Variants in EML4 observed in about 807,000 individuals in gnomAD.
The protein encoded by EML4 is echinoderm microtubule-associated protein-like 4.
In EML4, 72 loss-of-function variants were observed where a neutral mutation model predicts 129.0. That is an observed-to-expected ratio of 0.56 (90% CI 0.46 to 0.68). The LOEUF (loss-of-function observed/expected upper bound fraction) is 0.68, where lower values mean the gene tolerates loss of function less well. Among genes scored for constraint, EML4 ranks in the 30% least tolerant of loss-of-function variants. EML4 has a pLI of 0.00. For synonymous variants in EML4, 532 were observed against 405.0 expected (o/e 1.31, Z -3.77); for missense variants, 1,363 against 1,190.6 (o/e 1.14, Z -2.13).
chr2:42,280,040 T>C lies in EML4; in HGVS notation c.668-810T>C, dbSNP rs1330513145. On this transcript the variant is annotated intron_variant, in intron 6 of 22. Transcript: ENST00000318522. ...TTAGATATATGGCTTGCAAATATTT[T>C]CTCCCGTTCTGTAGGTGGCCTTTTT... Among the ~76,000 whole-genome samples, 3 of 152,316 alleles carry C rather than the reference T, an allele frequency of 2.0e-5. No homozygotes were observed. In the South Asian group the frequency reaches 6.2e-4, roughly 32 times the overall value.
chr2:42,329,665 C>A, intron 22 of EML4, 69 bp from the exon 23 acceptor site: 1 of 1,340,874 alleles, frequency 7.5e-7, no homozygotes, highest in Non-Finnish European at 1.1e-6. Flanking sequence ...TACGTATCAC[C>A]TCCATTTCTG....
intron 1 of EML4, among the ~76,000 whole-genome samples, chr2:42,184,030 A>G (rs544431450): frequency 2.0e-5 from 3 of 152,210 alleles, no homozygotes; most frequent in African/African-American, 7.2e-5. Flanking sequence ...AATTTGGGCT[A>G]TTTGCTGTGC....
chr2:42,313,095 C>G (rs1409684770), intron 17 of EML4, among the ~76,000 whole-genome samples: 1 of 151,594 alleles, frequency 6.6e-6, no homozygotes, highest in East Asian at 2.0e-4. Context: ...ACTACAGGCG[C>G]CTGCTACCAT....
At chr2:42,200,295 A>G (rs1000899224) in intron 1 of EML4, among the ~76,000 whole-genome samples, 2 of 152,176 alleles carry the variant, frequency 1.3e-5, no homozygotes, top group Non-Finnish European at 1.5e-5. Context: ...ACTGCACTCC[A>G]GCCTGGGCGA....
chr2:42,284,603 G>T (rs762160651), intron 8 of EML4, 31 bp from the exon 9 acceptor site: 4 of 1,545,744 alleles, frequency 2.6e-6, no homozygotes, highest in Non-Finnish European at 3.6e-6. Flanking sequence ...TGTTTCCTGT[G>T]TTTAAAATCA....
rs569441053 is a variant in EML4 at position 42,279,606 on chromosome 2, C to T, written c.668-1244C>T. 7.2e-5 allele frequency among the ~76,000 whole-genome samples: 11 copies of T among 152,038 alleles called. No individual in the cohort carries two copies. In the South Asian group the frequency reaches 8.3e-4, roughly 11 times the overall value. On this transcript the variant is annotated intron_variant, in intron 6 of 22. Coordinates refer to ENST00000318522, the MANE Select transcript of EML4 (RefSeq NM_019063.5). ...CCAAGTAGCTGGGACTACAGGTGCC[C>T]GCCATCATGCCTGGCTAATTTTTTT...
intron 1 of EML4, among the ~76,000 whole-genome samples, chr2:42,216,560 A>G (rs1235280483): frequency 2.0e-5 from 3 of 152,052 alleles, no homozygotes; most frequent in Non-Finnish European, 4.4e-5. Context: ...TTTAATTATA[A>G]AAACAATCAT....
At position 42,326,136 on chromosome 2, in the gene EML4, C is replaced by A. The variant is rs1669800680; in HGVS notation, c.2243-18C>A. 2 of 1,610,972 alleles carry A rather than the reference C, an allele frequency of 1.2e-6. No homozygotes were observed. Among genetic ancestry groups the A allele is most frequent in the South Asian group, 2.2e-5 (2 of 90,266 alleles). On this transcript the variant is annotated intron_variant, in intron 20 of 22. Transcript: ENST00000318522. ...TACACAAGCACTATGATTATACTTCCTGTTTCTAAATTTAAAGGGGACATT... is the reference window on the plus strand; with the variant it reads ...TACACAAGCACTATGATTATACTTCATGTTTCTAAATTTAAAGGGGACATT...
intron 1 of EML4, among the ~76,000 whole-genome samples, chr2:42,219,306 C>T (rs1413967411): frequency 6.6e-6 from 1 of 152,134 alleles, no homozygotes; most frequent in African/African-American, 2.4e-5. Flanking sequence ...GGATGCCAAA[C>T]CTGTGTATAC....
At chr2:42,275,729 C>T (rs1334357964) in intron 6 of EML4, among the ~76,000 whole-genome samples, 5 of 152,208 alleles carry the variant, frequency 3.3e-5, no homozygotes, top group Non-Finnish European at 5.9e-5. Context: ...TTCACTCCCT[C>T]TCAGTCCCAG....
intron 1 of EML4, among the ~76,000 whole-genome samples, chr2:42,179,750 A>G (rs893921849): frequency 1.3e-5 from 2 of 152,106 alleles, no homozygotes; most frequent in Non-Finnish European, 2.9e-5. Flanking sequence ...TTACAGGCAC[A>G]TGCCACCATG....
At chr2:42,255,089 T>C (rs139888168) in intron 2 of EML4, among the ~76,000 whole-genome samples, 60 of 151,650 alleles carry the variant, frequency 4.0e-4, no homozygotes, top group African/African-American at 1.2e-3. Context: ...GTTTTTTTTT[T>C]CTTTTCTTTT....
chr2:42,311,443 C>G (rs1326991016), intron 17 of EML4, among the ~76,000 whole-genome samples: 2 of 151,984 alleles, frequency 1.3e-5, no homozygotes, highest in African/African-American at 4.8e-5. Context: ...GTCCCAGCTA[C>G]TTGGGAGGCT....
chr2:42,263,308 T>C lies in EML4; in HGVS notation c.641+2T>C. 1.2e-6 allele frequency: 2 copies of C among 1,609,546 alleles called. No individual in the cohort carries two copies. The highest frequency in any genetic ancestry group is 1.1e-5 in the South Asian group (1 of 90,330). ...AAAAGTTACCAAAACTGCAGACAAG[T>C]AAGTATTGCACTTTCTTCATTATAT... is the stretch of plus-strand genomic sequence containing the variant. On this transcript the variant is annotated splice_donor_variant, in intron 5 of 22. Coordinates refer to ENST00000318522, the MANE Select transcript of EML4 (RefSeq NM_019063.5). LOFTEE classifies it high-confidence loss of function.
intron 17 of EML4, among the ~76,000 whole-genome samples, chr2:42,313,507 A>C (rs1024506132): frequency 1.3e-5 from 2 of 152,114 alleles, no homozygotes. Flanking sequence ...AAGCCACGTT[A>C]AACCATACCA....
intron 10 of EML4, 94 bp downstream of exon 10, chr2:42,286,473 A>G: frequency 1.3e-6 from 1 of 746,228 alleles, no homozygotes; most frequent in Non-Finnish European, 2.4e-6. Flanking sequence ...ATGAAGTGAT[A>G]ATCCTGAGTT....
At chr2:42,172,964 G>A (rs1670364642) in intron 1 of EML4, among the ~76,000 whole-genome samples, 1 of 152,118 alleles carries the variant, frequency 6.6e-6, no homozygotes, top group African/African-American at 2.4e-5. Context: ...TACCTAACCA[G>A]TCAGCTTTAA....
chr2:42,199,386 G>T (rs1254223973), intron 1 of EML4, among the ~76,000 whole-genome samples: 1 of 152,158 alleles, frequency 6.6e-6, no homozygotes, highest in African/African-American at 2.4e-5. Flanking sequence ...AAACTTATAT[G>T]TAATTTGGAG....
At chr2:42,261,017 G>A in intron 3 of EML4, 104 bp from the exon 4 acceptor site, 1 of 844,156 alleles carries the variant, frequency 1.2e-6, no homozygotes, top group Non-Finnish European at 1.8e-6. Context: ...TGTATTAGCT[G>A]TATGACTTAG....
Sources: allele counts gnomAD v4.1 joint callset (sites outside exome capture counted in the v4.1 genomes callset), GRCh38; gene constraint gnomAD v4.1.1; transcripts MANE v1.5; gene names NCBI Gene and HGNC (gene_info 2026-07-23, HGNC 2026-07-21).